ASTN2: variants seen among roughly 807,000 people sequenced by gnomAD.
The protein encoded by ASTN2 is astrotactin 2, also known as astrotactin-2.
ASTN2 carries 54 observed loss-of-function variants against 139.8 expected under a neutral mutation model. The observed-to-expected ratio is 0.39, with a 90% CI of 0.31 to 0.48. The LOEUF (loss-of-function observed/expected upper bound fraction) is 0.48, where lower values mean the gene tolerates loss of function less well. Ranked by LOEUF, ASTN2 falls within the 20% of genes least tolerant of loss-of-function variation. The pLI is 0.95. For synonymous variants in ASTN2, 756 were observed against 719.5 expected, an observed-to-expected ratio of 1.05 and a Z score of -0.81; for missense variants, 1,565 against 1,725.1, an observed-to-expected ratio of 0.91 and a Z score of 1.64.
chr9:116,995,781 C>G (rs1462588670), intron 7 of ASTN2, among the ~76,000 whole-genome samples: 1 of 152,094 alleles, frequency 6.6e-6, no homozygotes. Context: ...GACGATAACA[C>G]TATTTCATTA....
At chr9:117,034,614 G>A (rs1838332222) in intron 6 of ASTN2, among the ~76,000 whole-genome samples, 1 of 152,072 alleles carries the variant, frequency 6.6e-6, no homozygotes, top group African/African-American at 2.4e-5. Flanking sequence ...CTTGATAAGT[G>A]ACCACCTAGA....
intron 2 of ASTN2, among the ~76,000 whole-genome samples, chr9:117,273,862 C>T (rs1028516477): frequency 2.0e-5 from 3 of 152,202 alleles, no homozygotes; most frequent in Admixed American, 1.3e-4. Context: ...ACCAATTGAC[C>T]TCCTGGTGCA....
At chr9:116,565,215 A>AACACACAC (rs59415099) in intron 19 of ASTN2, among the ~76,000 whole-genome samples, 51 of 134,304 alleles carry the variant, frequency 3.8e-4, no homozygotes, top group Middle Eastern at 3.8e-3. Flanking sequence ...GCTTGCCACA[A>AACACACAC]ACACACACAC....
chr9:116,726,383 T>C (rs1231680921), intron 15 of ASTN2, among the ~76,000 whole-genome samples: 1 of 152,140 alleles, frequency 6.6e-6, no homozygotes, highest in Non-Finnish European at 1.5e-5. Context: ...AATGAGCAAG[T>C]CAAAGCTGAG....
At chr9:117,174,744 A>T (rs1241137079) in intron 3 of ASTN2, among the ~76,000 whole-genome samples, 2 of 152,060 alleles carry the variant, frequency 1.3e-5, no homozygotes, top group African/African-American at 4.8e-5. Flanking sequence ...GTAATATCCA[A>T]TCACGGCTTG....
At chr9:117,373,017 T>C (rs1197569666) in intron 1 of ASTN2, among the ~76,000 whole-genome samples, 1 of 152,186 alleles carries the variant, frequency 6.6e-6, no homozygotes, top group Non-Finnish European at 1.5e-5. Context: ...ACATTGGGGA[T>C]GATGGTGCTC....
At chr9:117,027,613 C>T (rs747489684) in intron 6 of ASTN2, among the ~76,000 whole-genome samples, 7 of 152,162 alleles carry the variant, frequency 4.6e-5, no homozygotes, top group Admixed American at 1.3e-4. Context: ...ATCCAGTTTC[C>T]TCAAATGGGA....
At chr9:117,397,087 AT>A (rs1178528183) in intron 1 of ASTN2, among the ~76,000 whole-genome samples, 1 of 151,838 alleles carries the variant, frequency 6.6e-6, no homozygotes, top group Non-Finnish European at 1.5e-5. Context: ...GATTACAGGC[AT>A]GCACCACCAT....
chr9:116,698,993 T>A lies in ASTN2; in HGVS notation c.2806+26778A>T. On this transcript the variant is annotated intron_variant, in intron 16 of 22. Transcript: ENST00000313400. The surrounding 1 kb of genome is among the most constrained non-coding windows in gnomAD (Gnocchi z 4.4). ...GCAGCCCCAGTGGCATTGATAGCTT[T>A]GTGCTAAGCTTCCTTGGGGCAGATC... The A allele has an allele frequency of 6.2e-7, 1 of 1,614,144 alleles. No individual in the cohort carries two copies.
chr9:116,977,272 C>T (rs1361288890), intron 7 of ASTN2, among the ~76,000 whole-genome samples: 1 of 152,188 alleles, frequency 6.6e-6, no homozygotes, highest in Non-Finnish European at 1.5e-5. Context: ...TTGATTTCCC[C>T]TTTCAGAAAA....
chr9:116,809,628 G>A (rs113977808), intron 12 of ASTN2, among the ~76,000 whole-genome samples: 6 of 152,258 alleles, frequency 3.9e-5, no homozygotes, highest in African/African-American at 1.4e-4. Flanking sequence ...CAAATCCCTA[G>A]TGGAATTTTG....
At chr9:117,276,695 G>T (rs997217603) in intron 2 of ASTN2, among the ~76,000 whole-genome samples, 1 of 152,120 alleles carries the variant, frequency 6.6e-6, no homozygotes, top group Non-Finnish European at 1.5e-5. Context: ...AGGGCTGAGG[G>T]CACAGAGAGA....
chr9:116,540,374 G>T lies in ASTN2; in HGVS notation c.3356-52874C>A, dbSNP rs531107033. On this transcript the variant is annotated intron_variant, in intron 19 of 22. Coordinates refer to ENST00000313400, the MANE Select transcript of ASTN2 (RefSeq NM_001365068.1). ...ACATGCAAGAAGAAAGAGGTAAAAT[G>T]ATTTCTTGCAGTTTTCCCTCTAATT... is the stretch of plus-strand genomic sequence containing the variant. 2.0e-5 allele frequency: 3 copies of T among 152,316 alleles called. No individual in the cohort carries two copies. In the South Asian group the frequency reaches 6.2e-4, roughly 32 times the overall value. 9.4% of individuals were successfully genotyped at this position (152,316 alleles called of 1,614,324 possible).
chr9:116,531,372 A>T (rs1017964961), intron 19 of ASTN2, among the ~76,000 whole-genome samples: 1 of 152,148 alleles, frequency 6.6e-6, no homozygotes, highest in Non-Finnish European at 1.5e-5. Context: ...GATGTTTACA[A>T]TTTTTTTATT....
intron 1 of ASTN2, among the ~76,000 whole-genome samples, chr9:117,359,166 C>G (rs756547728): frequency 2.0e-5 from 3 of 152,138 alleles, no homozygotes; most frequent in Non-Finnish European, 4.4e-5. Flanking sequence ...CTTTCCTGTT[C>G]TGTACCTTCC....
At chr9:117,126,062 A>G (rs1183539674) in intron 4 of ASTN2, among the ~76,000 whole-genome samples, 1 of 152,222 alleles carries the variant, frequency 6.6e-6, no homozygotes, top group African/African-American at 2.4e-5. Context: ...AATTGCACAA[A>G]AGTTTACAAC....
chr9:117,243,066 A>G (rs995851505), intron 2 of ASTN2, among the ~76,000 whole-genome samples: 3 of 152,210 alleles, frequency 2.0e-5, no homozygotes, highest in Non-Finnish European at 2.9e-5. Flanking sequence ...TTGCATAGAT[A>G]ATTTCCTTCA....
intron 10 of ASTN2, among the ~76,000 whole-genome samples, chr9:116,959,481 T>A (rs1038573313): frequency 6.6e-6 from 1 of 152,106 alleles, no homozygotes; most frequent in African/African-American, 2.4e-5. Flanking sequence ...AAAGCAAGTT[T>A]GCGGTTTAGA....
chr9:117,360,614 A>G (rs1257855529), intron 1 of ASTN2, among the ~76,000 whole-genome samples: 2 of 152,150 alleles, frequency 1.3e-5, no homozygotes, highest in African/African-American at 4.8e-5. Flanking sequence ...TGAGCTGTGC[A>G]GATAACCAGA....
Sources: allele counts gnomAD v4.1 joint callset (sites outside exome capture counted in the v4.1 genomes callset), GRCh38; gene constraint gnomAD v4.1.1; non-coding constraint Gnocchi (gnomAD v3.1); transcripts MANE v1.5; gene names NCBI Gene and HGNC (gene_info 2026-07-23, HGNC 2026-07-21).